The following SEC14L1 variants were observed in gnomAD, a reference collection of about 807,000 sequenced individuals.
SEC14L1 encodes the protein SEC14 like lipid binding 1, also known as SEC14-like protein 1.
SEC14L1 carries 48 observed loss-of-function variants against 85.3 expected under a neutral mutation model. The observed-to-expected ratio is 0.56, with a 90% CI of 0.45 to 0.72. SEC14L1 has a LOEUF of 0.72. SEC14L1 is among the 30% of genes least tolerant of loss of function. SEC14L1 has a pLI of 0.00. For missense variants in SEC14L1, 682 were observed against 921.4 expected (o/e 0.74, Z 3.36); for synonymous variants, 391 against 355.5 (o/e 1.10, Z -1.12).
chr17:77,145,956 C>T (rs1484440154), intron 3 of SEC14L1, among the ~76,000 whole-genome samples: 1 of 152,198 alleles, frequency 6.6e-6, no homozygotes, highest in African/African-American at 2.4e-5. Context: ...GCCCTCTGGC[C>T]CCAGTTCAAC....
Position 77,209,378 on chromosome 17 carries a change from C to T in SEC14L1, c.1513C>T (p.Leu505=), listed in dbSNP as rs371391724. The T allele has an allele frequency of 1.2e-6, 2 of 1,614,072 alleles. No homozygotes were observed. Among genetic ancestry groups the T allele is most frequent in the Non-Finnish European group, 1.7e-6 (2 of 1,180,036 alleles). Reference sequence around the variant, plus strand: ...AGAGGGTGGACTGGTCCCCAAATCTCTGTACCGGACTGCAGAGGAGCTGGA... The same window carrying T: ...AGAGGGTGGACTGGTCCCCAAATCTTTGTACCGGACTGCAGAGGAGCTGGA... ...VPEGGLVPKS[L]YRTAEELENE... The change falls in exon 14 of 17, where the codon CTG becomes TTG. Residue 505 remains leucine (L), a synonymous_variant. Coordinates refer to ENST00000436233, the MANE Select transcript of SEC14L1 (RefSeq NM_001143998.2).
At chr17:77,128,724 G>T (rs973868798) in intron 3 of SEC14L1, among the ~76,000 whole-genome samples, 13 of 152,002 alleles carry the variant, frequency 8.6e-5, no homozygotes, top group Non-Finnish European at 2.9e-5. Context: ...AAAGTGCTGG[G>T]ATTACAGATG....
intron 3 of SEC14L1, among the ~76,000 whole-genome samples, chr17:77,097,264 C>G (rs1971668242): frequency 6.6e-6 from 1 of 152,216 alleles, no homozygotes. Context: ...AAAGCCAGCA[C>G]AGTTAAGAGT....
At chr17:77,169,108 C>T (rs1046826050) in intron 3 of SEC14L1, among the ~76,000 whole-genome samples, 7 of 148,326 alleles carry the variant, frequency 4.7e-5, no homozygotes, top group Admixed American at 2.1e-4. Flanking sequence ...GCTCACGTGC[C>T]GCTCCAGTTT....
Position 77,116,380 on chromosome 17 carries a change from A to T in SEC14L1, c.-136+23033A>T, listed in dbSNP as rs192672466. On this transcript the variant is annotated intron_variant, in intron 3 of 19. Transcript: ENST00000392476. Reference sequence around the variant, plus strand: ...TGAGTAAAACCCGGAGCCAGAACCCAGAAGAAGGAGAAATTAATTCTGACC... The same window carrying T: ...TGAGTAAAACCCGGAGCCAGAACCCTGAAGAAGGAGAAATTAATTCTGACC... 1.6e-3 allele frequency among the ~76,000 whole-genome samples: 250 copies of T among 152,292 alleles called. 3 individuals are homozygous for T. Among genetic ancestry groups the T allele is most frequent in the Middle Eastern group, 6.8e-3 (2 of 294 alleles).
rs73998670 is a variant in SEC14L1, at chr17:77,214,461, C to T, written c.*438C>T. On this transcript the variant is annotated 3_prime_UTR_variant, in exon 17 of 17. Coordinates refer to ENST00000436233, the MANE Select transcript of SEC14L1 (RefSeq NM_001143998.2). ...TGCCAGCTCGCTTCCCCCAAGCTGCCTCATGGCCCGCACGCCGCCTCACGG... is the reference window on the plus strand; with the variant it reads ...TGCCAGCTCGCTTCCCCCAAGCTGCTTCATGGCCCGCACGCCGCCTCACGG... The T allele has an allele frequency of 0.019, 19,277 of 1,003,328 alleles. 266 individuals are homozygous for T. Among genetic ancestry groups the T allele is most frequent in the African/African-American group, 0.06 (3,451 of 57,660 alleles). The allele number at this position is 1,003,328 out of a possible 1,614,324, so 62.2% of individuals were successfully genotyped here. A position where few individuals can be genotyped will look rare whatever the true frequency, so the allele number is the denominator to read the frequency against.
intron 3 of SEC14L1, among the ~76,000 whole-genome samples, chr17:77,180,736 G>A (rs1288457012): frequency 6.6e-6 from 1 of 152,204 alleles, no homozygotes; most frequent in Non-Finnish European, 1.5e-5. Flanking sequence ...GTTGCTCTGG[G>A]CTGTCAGTAT....
intron 13 of SEC14L1, among the ~76,000 whole-genome samples, chr17:77,207,634 T>C (rs1402635958): frequency 6.6e-6 from 1 of 152,058 alleles, no homozygotes; most frequent in African/African-American, 2.4e-5. Flanking sequence ...TTATTTTTAG[T>C]AGAGATGGGG....
At chr17:77,173,484 T>G (rs1464926678) in intron 3 of SEC14L1, among the ~76,000 whole-genome samples, 1 of 151,982 alleles carries the variant, frequency 6.6e-6, no homozygotes, top group African/African-American at 2.4e-5. Flanking sequence ...TTAGTTTCTA[T>G]AGGGTAAGTA....
At chr17:77,173,608 C>A (rs1016553868) in intron 3 of SEC14L1, among the ~76,000 whole-genome samples, 2 of 152,200 alleles carry the variant, frequency 1.3e-5, no homozygotes, top group Admixed American at 6.5e-5. Context: ...TATTCACATA[C>A]TCTATTAAAA....
intron 3 of SEC14L1, among the ~76,000 whole-genome samples, chr17:77,100,790 T>C (rs941431414): frequency 8.5e-5 from 13 of 152,128 alleles, no homozygotes; most frequent in African/African-American, 3.1e-4. Context: ...TGGTGGCCTC[T>C]CAGCGTAACT....
intron 3 of SEC14L1, among the ~76,000 whole-genome samples, chr17:77,176,080 A>G (rs1974739818): frequency 6.6e-6 from 1 of 152,134 alleles, no homozygotes; most frequent in Admixed American, 6.5e-5. Flanking sequence ...ACCTGAGGTC[A>G]GGAGTTTGAG....
chr17:77,136,911 C>CTTT (rs577567553), upstream of SEC14L1, among the ~76,000 whole-genome samples: 1 of 142,140 alleles, frequency 7.0e-6, no homozygotes, highest in Admixed American at 7.0e-5. Flanking sequence ...CTTTTTCTTT[C>CTTT]TTTTTTTTTT....
chr17:77,200,135 C>T (rs1310560648), intron 8 of SEC14L1, among the ~76,000 whole-genome samples: 1 of 152,192 alleles, frequency 6.6e-6, no homozygotes, highest in Non-Finnish European at 1.5e-5. Flanking sequence ...CACAACACTC[C>T]AGCCTGGGTG....
chr17:77,125,000 T>A (rs12948700), intron 3 of SEC14L1, among the ~76,000 whole-genome samples: 14,614 of 57,022 alleles, frequency 0.26, 820 homozygotes, highest in Middle Eastern at 0.31. Context: ...TATTATTATT[T>A]TTATTATTAT....
chr17:77,092,608 C>G (rs1971543314), intron 2 of SEC14L1, among the ~76,000 whole-genome samples: 1 of 152,006 alleles, frequency 6.6e-6, no homozygotes, highest in Non-Finnish European at 1.5e-5. Flanking sequence ...TTTTAACAAG[C>G]AGGTTTCTAA....
chr17:77,132,111 T>C (rs1972629994), intron 3 of SEC14L1, among the ~76,000 whole-genome samples: 1 of 152,206 alleles, frequency 6.6e-6, no homozygotes, highest in Admixed American at 6.5e-5. Flanking sequence ...CTGGAAACTT[T>C]GCCAGATGGC....
At chr17:77,207,423 A>G (rs542886743) in intron 13 of SEC14L1, among the ~76,000 whole-genome samples, 1 of 149,672 alleles carries the variant, frequency 6.7e-6, no homozygotes, top group Non-Finnish European at 1.5e-5. Flanking sequence ...GAGTCTCACT[A>G]TTTTGCCCCA....
In SEC14L1 at chr17:77,216,592, C is replaced by G; in HGVS notation, c.*2569C>G. The G allele has an allele frequency of 1.2e-6, 2 of 1,613,354 alleles. No homozygotes were observed. Among genetic ancestry groups the G allele is most frequent in the African/African-American group, 2.7e-5 (2 of 74,926 alleles). Reference sequence around the variant, plus strand: ...GCTGCCAAGAAAATGCTTCACTCAACAGTCCTCATGTGCCCAGAGATGTTT... The same window carrying G: ...GCTGCCAAGAAAATGCTTCACTCAAGAGTCCTCATGTGCCCAGAGATGTTT... On this transcript the variant is annotated 3_prime_UTR_variant, in exon 17 of 17. Coordinates refer to ENST00000436233, the MANE Select transcript of SEC14L1 (RefSeq NM_001143998.2).
Sources: gnomAD v4.1 joint callset for allele counts (sites outside exome capture counted in the v4.1 genomes callset) on GRCh38, gnomAD v4.1.1 for gene constraint, MANE v1.5 for transcripts, NCBI Gene and HGNC (gene_info 2026-07-23, HGNC 2026-07-21) for gene names.